The following CLCF1 variants were observed in gnomAD, a reference collection of about 807,000 sequenced individuals.
The protein encoded by CLCF1 is cardiotrophin-like cytokine factor 1.
CLCF1 carries 10 observed loss-of-function variants against 21.2 expected under a neutral mutation model. The observed-to-expected ratio is 0.47, with a 90% CI of 0.29 to 0.80. The LOEUF (loss-of-function observed/expected upper bound fraction) is 0.80, where lower values mean the gene tolerates loss of function less well. Among genes scored for constraint, CLCF1 ranks in the 30% least tolerant of loss-of-function variants. The probability of loss-of-function intolerance (pLI) is 0.09; values close to 1 mark genes in which losing one functional copy is unlikely to be tolerated. For synonymous variants in CLCF1, 115 were observed against 120.5 expected, an observed-to-expected ratio of 0.95 and a Z score of 0.30; for missense variants, 240 against 293.4, an observed-to-expected ratio of 0.82 and a Z score of 1.33.
chr11:67,369,341 CGT>C, intron 1 of CLCF1: 1 of 981,124 alleles, frequency 1.0e-6, no homozygotes, highest in Non-Finnish European at 1.2e-6. Flanking sequence ...TGTGTACACG[CGT>C]GTGTTTTAGG....
In CLCF1 at chr11:67,372,620, GGGGGC is replaced by G. The variant is rs1862262272; in HGVS notation, c.16+899_16+903del. 4.0e-5 allele frequency among the ~76,000 whole-genome samples: 5 copies of G among 123,724 alleles called. No individual in the cohort carries two copies. The South Asian group carries it at 1.2e-3, about 29-fold the overall frequency. 81.2% of individuals were successfully genotyped at this position (123,724 alleles called of 152,430 possible). ...CGCCCGGTCGCTCCTTCCCCGCGGC[GGGGGC>G]GGGGGCGGGGGCGGGGGCGGGGTCC... On this transcript the variant is annotated intron_variant, in intron 1 of 2. Coordinates refer to ENST00000312438, the MANE Select transcript of CLCF1 (RefSeq NM_013246.3). The surrounding 1 kb of genome is among the most constrained non-coding windows in gnomAD (Gnocchi z 5.9).
chr11:67,373,447 G>T (rs1862280743), intron 1 of CLCF1, 77 bp downstream of exon 1: 1 of 811,906 alleles, frequency 1.2e-6, no homozygotes, highest in Non-Finnish European at 1.8e-6. Context: ...GCTCCCGGGG[G>T]TCAGGGCAGG....
chr11:67,368,403 GGA>G, intron 1 of CLCF1: 2 of 985,390 alleles, frequency 2.0e-6, no homozygotes, highest in Non-Finnish European at 2.4e-6. Context: ...GGACAGGAAG[GGA>G]GAGAGGTGCA....
chr11:67,366,368 C>T (rs1419230130), intron 2 of CLCF1, among the ~76,000 whole-genome samples: 1 of 152,122 alleles, frequency 6.6e-6, no homozygotes, highest in African/African-American at 2.4e-5. Flanking sequence ...AACCAGAGCC[C>T]CATTTGCCGC....
Position 67,367,983 on chromosome 11 carries a change from C to T in CLCF1, c.17-357G>A, listed in dbSNP as rs191293510. On this transcript the variant is annotated intron_variant, in intron 1 of 2. Transcript: ENST00000312438. ...GGGGCCAGGCCTAGGGACTGCAGGT[C>T]GACCTGCCTGTGTTCCAGTTGTACC... 280 of 985,210 alleles carry T rather than the reference C, an allele frequency of 2.8e-4. No homozygotes were observed. The Middle Eastern group carries it at 4.7e-3, about 17-fold the overall frequency. The allele number at this position is 985,210 out of a possible 1,614,324, so 61.0% of individuals were successfully genotyped here. A position where few individuals can be genotyped will look rare whatever the true frequency, so the allele number is the denominator to read the frequency against.
At position 67,372,584 on chromosome 11, in the gene CLCF1, C is replaced by CCTCCCG. The variant is rs1321504718; in HGVS notation, c.16+934_16+939dup. On this transcript the variant is annotated intron_variant, in intron 1 of 2. Coordinates refer to ENST00000312438, the MANE Select transcript of CLCF1 (RefSeq NM_013246.3). This position sits in a 1 kb window ranked among gnomAD's most constrained non-coding sequence, Gnocchi z 5.9. ...GGCCTCGGCGCCCCCGGCCCCGCCC[C>CCTCCCG]CTCCCGCTCCCGCCCGGTCGCTCCT... Among the ~76,000 whole-genome samples, 1 of 149,646 alleles carries CCTCCCG rather than the reference C, an allele frequency of 6.7e-6. No homozygotes were observed. The highest frequency in any genetic ancestry group is 1.5e-5 in the Non-Finnish European group (1 of 67,136).
chr11:67,365,331 C>T lies in CLCF1; in HGVS notation c.483G>A (p.Pro161=), dbSNP rs573454925. 1.1e-5 allele frequency: 17 copies of T among 1,613,478 alleles called. No individual in the cohort carries two copies. Among genetic ancestry groups the T allele is most frequent in the Middle Eastern group, 1.7e-4 (1 of 6,048 alleles). Residue 161 remains proline, a synonymous_variant, in exon 3 of 3, where the codon CCG becomes CCA. Coordinates refer to ENST00000312438, the MANE Select transcript of CLCF1 (RefSeq NM_013246.3). This position sits in a 1 kb window ranked among gnomAD's most constrained non-coding sequence, Gnocchi z 5.0. ...TCCAAGTGGGTTCAGTCCCAGGCAG[C>T]GGCTGGGGCAGTGGGTAGCCCAGAG... The part of the protein sequence containing the change: ...MAALGYPLPQ[P]LPGTEPTWTP...
At chr11:67,373,861 G>A (rs1862290529), upstream of CLCF1, 3 of 979,794 alleles carry the variant, frequency 3.1e-6, no homozygotes, top group Non-Finnish European at 3.8e-6. Context: ...GAGGTGAGGC[G>A]AGGCTGTGGC....
chr11:67,373,201 C>CCGGG (rs1160636584), intron 1 of CLCF1, among the ~76,000 whole-genome samples: 1 of 151,830 alleles, frequency 6.6e-6, no homozygotes, highest in East Asian at 1.9e-4. Context: ...GACTCTCTGG[C>CCGGG]CCCGACTGGT....
At chr11:67,369,725 G>T in intron 1 of CLCF1, 1 of 985,424 alleles carries the variant, frequency 1.0e-6, no homozygotes, top group Non-Finnish European at 1.2e-6. Flanking sequence ...TGGGAGCTAG[G>T]CTTCCTTCTT....
intron 1 of CLCF1, chr11:67,368,144 C>G (rs910888656): frequency 1.0e-6 from 1 of 985,406 alleles, no homozygotes; most frequent in South Asian, 4.7e-5. Flanking sequence ...CCGCCAAGAA[C>G]AGACTCACCC....
chr11:67,373,471 C>G, intron 1 of CLCF1, 53 bp downstream of exon 1: 2 of 1,012,644 alleles, frequency 2.0e-6, no homozygotes, highest in Non-Finnish European at 2.8e-6. Flanking sequence ...GGAACCGGAT[C>G]TCGTGGCTGC....
rs1862198563 is a variant in CLCF1 at position 67,370,184 on chromosome 11, GTGTCT to G, written c.17-2563_17-2559del. 3 of 985,308 alleles carry G rather than the reference GTGTCT, an allele frequency of 3.0e-6. No individual in the cohort carries two copies. In the East Asian group the frequency reaches 3.4e-4, roughly 112 times the overall value. The allele number at this position is 985,308 out of a possible 1,614,324, so 61.0% of individuals were successfully genotyped here. Reference sequence around the variant, plus strand: ...TTCCACTCTGGGCAAAGCCATGCCCGTGTCTCAGGCAGCAGGAGGGAAAGCAGCGT... The same window carrying G: ...TTCCACTCTGGGCAAAGCCATGCCCGCAGGCAGCAGGAGGGAAAGCAGCGT... On this transcript the variant is annotated intron_variant, in intron 1 of 2. Transcript: ENST00000312438.
chr11:67,371,055 A>G lies in CLCF1; in HGVS notation c.16+2469T>C, dbSNP rs148717412. ...GAGGGATGGAGTGGGTTAGGCGGGC[A>G]GAGTGGGTGAGGAGTGGGCTAGGGA... On this transcript the variant is annotated intron_variant, in intron 1 of 2. Transcript: ENST00000312438. The G allele has an allele frequency of 4.8e-3, 4,706 of 985,228 alleles. 10 individuals are homozygous for G. The highest frequency in any genetic ancestry group is 5.3e-3 in the Non-Finnish European group (4,393 of 829,810). The allele number at this position is 985,228 out of a possible 1,614,324, so 61.0% of individuals were successfully genotyped here.
chr11:67,367,369 C>G, intron 2 of CLCF1, 91 bp downstream of exon 2: 1 of 1,594,422 alleles, frequency 6.3e-7, no homozygotes, highest in Non-Finnish European at 8.6e-7. Flanking sequence ...CTCCTCACCC[C>G]ATCATTTACC....
chr11:67,370,570 A>T (rs904690298), intron 1 of CLCF1: 1 of 912,552 alleles, frequency 1.1e-6, no homozygotes, highest in African/African-American at 5.1e-5. Context: ...CCCTAATTCC[A>T]TCCAGATCCC....
At chr11:67,368,155 A>G (rs1862156309) in intron 1 of CLCF1, 1 of 985,296 alleles carries the variant, frequency 1.0e-6, no homozygotes, top group Admixed American at 6.1e-5. Flanking sequence ...AGACTCACCC[A>G]TAGGAAGCAA....
At chr11:67,367,888 G>A in intron 1 of CLCF1, 1 of 985,426 alleles carries the variant, frequency 1.0e-6, no homozygotes, top group Non-Finnish European at 1.2e-6. Context: ...CTGTGTGTCA[G>A]CTGAGAGAGT....
Position 67,367,630 on chromosome 11 carries a change from T to A in CLCF1, c.17-4A>T. On this transcript the variant is annotated splice_region_variant and splice_polypyrimidine_tract_variant and intron_variant, in intron 1 of 2. Transcript: ENST00000312438. ...GCTAACATCCCCCACGAGTCCCCTG[T>A]GGGCAGGATGGACGAGAAGCATGAG... The A allele has an allele frequency of 6.2e-7, 1 of 1,612,286 alleles. No individual in the cohort carries two copies. The highest frequency in any genetic ancestry group is 8.5e-7 in the Non-Finnish European group (1 of 1,179,706).
Sources: gnomAD v4.1 joint callset for allele counts (sites outside exome capture counted in the v4.1 genomes callset) on GRCh38, gnomAD v4.1.1 for gene constraint, Gnocchi (gnomAD v3.1) non-coding constraint, MANE v1.5 for transcripts, NCBI Gene and HGNC (gene_info 2026-07-23, HGNC 2026-07-21) for gene names.